The following KLHL29 variants were observed in gnomAD, a reference collection of about 807,000 sequenced individuals.
KLHL29 encodes the protein kelch-like protein 29.
A neutral mutation model predicts 80.4 loss-of-function variants in KLHL29; 21 were observed. The ratio of observed to expected loss-of-function variants is 0.26; its 90% confidence interval spans 0.19 to 0.38. The LOEUF is 0.38. KLHL29 is among the 10% of genes least tolerant of loss of function. The probability of loss-of-function intolerance (pLI) is 1.00; values close to 1 mark genes in which losing one functional copy is unlikely to be tolerated. For missense variants in KLHL29, 867 were observed against 1,223.9 expected (o/e 0.71, Z 4.35); for synonymous variants, 511 against 526.8 (o/e 0.97, Z 0.41).
intron 2 of KLHL29, among the ~76,000 whole-genome samples, chr2:23,490,859 T>C (rs1178416051): frequency 6.6e-6 from 1 of 152,210 alleles, no homozygotes; most frequent in Admixed American, 6.5e-5. Flanking sequence ...CGGGCAGCCC[T>C]GGGCCCATCC....
chr2:23,631,766 C>T (rs488971), intron 3 of KLHL29, among the ~76,000 whole-genome samples: 37,514 of 152,114 alleles, frequency 0.25, 4,889 homozygotes, highest in Middle Eastern at 0.39. Context: ...TGGCTCTCAA[C>T]GTGTCCTTCT....
At chr2:23,435,570 G>T (rs1386791985) in intron 1 of KLHL29, among the ~76,000 whole-genome samples, 3 of 152,194 alleles carry the variant, frequency 2.0e-5, no homozygotes, top group African/African-American at 7.2e-5. Context: ...TCCCAAGTTT[G>T]GGGAATGAGC....
At chr2:23,600,678 T>G (rs1668547099) in intron 3 of KLHL29, among the ~76,000 whole-genome samples, 1 of 152,150 alleles carries the variant, frequency 6.6e-6, no homozygotes, top group African/African-American at 2.4e-5. Context: ...CCTTCTTAAG[T>G]GGATGTCTTC....
At chr2:23,648,548 A>C (rs1670002125) in intron 5 of KLHL29, among the ~76,000 whole-genome samples, 1 of 152,022 alleles carries the variant, frequency 6.6e-6, no homozygotes, top group Admixed American at 6.6e-5. Context: ...AACAACCGGA[A>C]GGAAGCAGCC....
intron 1 of KLHL29, among the ~76,000 whole-genome samples, chr2:23,407,558 A>G (rs981376358): frequency 2.6e-5 from 4 of 151,542 alleles, no homozygotes; most frequent in African/African-American, 9.7e-5. Context: ...TTGTCATTTG[A>G]ATTCTAAATT....
At chr2:23,671,092 T>G (rs1482712414) in intron 5 of KLHL29, among the ~76,000 whole-genome samples, 1 of 150,480 alleles carries the variant, frequency 6.6e-6, no homozygotes, top group African/African-American at 2.4e-5. Context: ...TGAGCTGTCA[T>G]TAGCTCCTGG....
intron 2 of KLHL29, among the ~76,000 whole-genome samples, chr2:23,554,437 C>T (rs1667229868): frequency 6.6e-6 from 1 of 152,194 alleles, no homozygotes; most frequent in Non-Finnish European, 1.5e-5. Context: ...CAGCGCGGGT[C>T]CCCTGCCTTC....
intron 5 of KLHL29, among the ~76,000 whole-genome samples, chr2:23,671,600 T>C (rs1433891822): frequency 6.6e-6 from 1 of 152,220 alleles, no homozygotes; most frequent in Non-Finnish European, 1.5e-5. Context: ...CCTGTGGGTC[T>C]GCAGCTTTGG....
intron 3 of KLHL29, among the ~76,000 whole-genome samples, chr2:23,615,561 G>A (rs1485066440): frequency 2.6e-5 from 4 of 152,128 alleles, no homozygotes; most frequent in Admixed American, 2.0e-4. Context: ...TGCCTCTCAC[G>A]GTGGACCTGC....
chr2:23,706,357 A>ATT lies in KLHL29; in HGVS notation c.2445-124_2445-123insTT. On this transcript the variant is annotated intron_variant, in intron 13 of 13. Transcript: ENST00000486442. ...AGGTTAGAGGGCAAAGAAGGGCAGCAAGATCCCAGATGCCTTCTGCAAAAG... is the reference window on the plus strand; with the variant it reads ...AGGTTAGAGGGCAAAGAAGGGCAGCATTAGATCCCAGATGCCTTCTGCAAAAG... 5 of 679,276 alleles carry ATT rather than the reference A, an allele frequency of 7.4e-6. No homozygotes were observed. In the African/African-American group the frequency reaches 9.5e-5, roughly 13 times the overall value. The allele number at this position is 679,276 out of a possible 1,614,324, so 42.1% of individuals were successfully genotyped here.
At chr2:23,393,262 T>C (rs1433382467) in intron 1 of KLHL29, among the ~76,000 whole-genome samples, 3 of 152,358 alleles carry the variant, frequency 2.0e-5, no homozygotes, top group Non-Finnish European at 4.4e-5. Flanking sequence ...TGTAGTCACA[T>C]GTTCATGGTT....
chr2:23,591,210 C>G (rs982953010), intron 3 of KLHL29, among the ~76,000 whole-genome samples: 2 of 152,102 alleles, frequency 1.3e-5, no homozygotes, highest in Admixed American at 1.3e-4. Flanking sequence ...GAGCAACGGC[C>G]CTGAGGGAGG....
At chr2:23,703,465 G>A (rs1322411909) in intron 12 of KLHL29, 86 bp downstream of exon 12, 1 of 1,252,004 alleles carries the variant, frequency 8.0e-7, no homozygotes, top group Non-Finnish European at 1.1e-6. Context: ...CCAGAAGTCA[G>A]GCTAAGCCCA....
At chr2:23,451,875 G>C (rs1461237688) in intron 1 of KLHL29, among the ~76,000 whole-genome samples, 1 of 152,206 alleles carries the variant, frequency 6.6e-6, no homozygotes, top group African/African-American at 2.4e-5. Context: ...TCATGGTTCT[G>C]TAGGGTGTCT....
chr2:23,533,579 G>T (rs945211042), intron 2 of KLHL29, among the ~76,000 whole-genome samples: 1 of 152,196 alleles, frequency 6.6e-6, no homozygotes, highest in Non-Finnish European at 1.5e-5. Context: ...ATCAAAGCTG[G>T]GAGACCTGGG....
intron 2 of KLHL29, among the ~76,000 whole-genome samples, chr2:23,484,921 C>T (rs1433104655): frequency 6.6e-6 from 1 of 152,180 alleles, no homozygotes. Context: ...CCAGAAGCGC[C>T]TCTCCCATCC....
intron 1 of KLHL29, among the ~76,000 whole-genome samples, chr2:23,431,244 G>A (rs1408496758): frequency 1.3e-5 from 2 of 152,226 alleles, no homozygotes; most frequent in African/African-American, 4.8e-5. Context: ...GGTGTCCAGA[G>A]TTGGCAGATG....
At chr2:23,624,418 C>T (rs1558413067) in intron 3 of KLHL29, among the ~76,000 whole-genome samples, 1 of 152,158 alleles carries the variant, frequency 6.6e-6, no homozygotes, top group East Asian at 1.9e-4. Context: ...TGCTGATATC[C>T]ACCAATTACC....
chr2:23,442,298 G>GC (rs761131346), intron 1 of KLHL29, among the ~76,000 whole-genome samples: 87 of 152,140 alleles, frequency 5.7e-4, no homozygotes, highest in Middle Eastern at 6.8e-3. Flanking sequence ...TCCCTGTGTT[G>GC]CCCCAGCTGG....
Sources: gnomAD v4.1 joint callset for allele counts (sites outside exome capture counted in the v4.1 genomes callset) on GRCh38, gnomAD v4.1.1 for gene constraint, MANE v1.5 for transcripts, NCBI Gene and HGNC (gene_info 2026-07-23, HGNC 2026-07-21) for gene names.